Variants in ADGRV1 observed in about 807,000 individuals in gnomAD.
ADGRV1 encodes G-protein coupled receptor 98.
ADGRV1 carries 359 observed loss-of-function variants against 596.2 expected under a neutral mutation model. The observed-to-expected ratio is 0.60, with a 90% CI of 0.55 to 0.66. The LOEUF is 0.66. ADGRV1 is among the 30% of genes least tolerant of loss of function. The pLI is 0.00. For synonymous variants in ADGRV1, 2,681 were observed against 2,679.2 expected, an observed-to-expected ratio of 1.00 and a Z score of -0.02; for missense variants, 7,274 against 7,575.6, an observed-to-expected ratio of 0.96 and a Z score of 1.48.
intron 67 of ADGRV1, among the ~76,000 whole-genome samples, chr5:90,787,453 T>A (rs1037302161): frequency 1.3e-5 from 2 of 152,136 alleles, no homozygotes; most frequent in Non-Finnish European, 2.9e-5. Flanking sequence ...TATATATTTT[T>A]AAAATGTTTA....
In ADGRV1 at chr5:90,810,415, T is replaced by C; in HGVS notation, c.15155T>C (p.Leu5052Pro). The C allele has an allele frequency of 6.2e-7, 1 of 1,613,926 alleles. No individual in the cohort carries two copies. Among genetic ancestry groups the C allele is most frequent in the Non-Finnish European group, 8.5e-7 (1 of 1,179,834 alleles). Reference protein sequence around the residue: ...YQTTAGSAKPLEDFEPVQNGE... With the variant: ...YQTTAGSAKPPEDFEPVQNGE... ...ACCACTGCAGGAAGCGCCAAGCCACTGGAAGATTTTGAGCCTGTTCAGAAT... is the reference window on the plus strand; with the variant it reads ...ACCACTGCAGGAAGCGCCAAGCCACCGGAAGATTTTGAGCCTGTTCAGAAT... Residue 5052 changes from leucine (L) to proline (P), a missense_variant, in exon 74 of 90, where the codon CTG becomes CCG. By Grantham distance (98) the Leu-to-Pro change is moderately conservative (BLOSUM62 -3). This residue lies in a region of ADGRV1 where 1,874 missense variants were observed against 1,970.2 expected (regional missense o/e 0.95). Transcript: ENST00000405460.
In ADGRV1 at chr5:90,643,033, A is replaced by T; in HGVS notation, c.2545A>T (p.Ile849Leu). 6.2e-7 allele frequency: 1 copy of T among 1,612,250 alleles called. No individual in the cohort carries two copies. The highest frequency in any genetic ancestry group is 8.5e-7 in the Non-Finnish European group (1 of 1,178,438). The change falls in exon 13 of 90, where the codon ATA becomes TTA. Residue 849 changes from isoleucine (I) to leucine (L), a missense_variant. Around this residue, in one of 5 missense-constraint regions of ADGRV1, gnomAD observed 1,715 missense variants for 1,708.8 expected, o/e 1.00. Transcript: ENST00000405460. ...CACCTTGCTAGCAAGATTGGATGGG[A>T]TACCAGAGGTATGGGATTTTATATT... ...VITLLARLDGIPELDEHYWVV... is the reference protein window; with the variant it reads ...VITLLARLDGLPELDEHYWVV...
intron 87 of ADGRV1, among the ~76,000 whole-genome samples, chr5:91,132,065 G>C (rs1161895468): frequency 6.6e-6 from 1 of 152,072 alleles, no homozygotes. Context: ...CTTCCCCATT[G>C]TTTATTTTTG....
At chr5:90,783,564 A>C (rs1475286595) in intron 66 of ADGRV1, among the ~76,000 whole-genome samples, 1 of 152,202 alleles carries the variant, frequency 6.6e-6, no homozygotes, top group African/African-American at 2.4e-5. Flanking sequence ...AGACTTAAAT[A>C]ATCTAATCAG....
chr5:90,992,964 A>C (rs915280833), intron 85 of ADGRV1, among the ~76,000 whole-genome samples: 1 of 152,164 alleles, frequency 6.6e-6, no homozygotes, highest in Non-Finnish European at 1.5e-5. Context: ...TAATTATAGC[A>C]CAATGATCAT....
rs1278869208 is a variant in ADGRV1 at position 90,853,439 on chromosome 5, C to T, written c.17360C>T (p.Ala5787Val). The T allele has an allele frequency of 1.1e-5, 17 of 1,613,204 alleles. No homozygotes were observed. The highest frequency in any genetic ancestry group is 1.4e-5 in the Non-Finnish European group (16 of 1,179,518). The change falls in exon 80 of 90, where the codon GCT (alanine) becomes GTT (valine). Residue 5787 changes from alanine (A) to valine (V), a missense_variant. Around this residue, in one of 5 missense-constraint regions of ADGRV1, gnomAD observed 1,874 missense variants for 1,970.2 expected, o/e 0.95. Transcript: ENST00000405460. ...LLDVQDAEIM[A>V]GKSTCKLVQF... ...GATGTCCAGGATGCAGAAATAATGGCTGGGAAAAGTACATGTAAATTAGTC... is the reference window on the plus strand; with the variant it reads ...GATGTCCAGGATGCAGAAATAATGGTTGGGAAAAGTACATGTAAATTAGTC...
chr5:90,978,861 CAA>C (rs1313279061), intron 84 of ADGRV1, among the ~76,000 whole-genome samples: 1 of 152,032 alleles, frequency 6.6e-6, no homozygotes, highest in Non-Finnish European at 1.5e-5. Flanking sequence ...ATGCTCAAAA[CAA>C]ATTGTGTACA....
chr5:90,996,206 G>GCCA (rs1021183971), intron 85 of ADGRV1, among the ~76,000 whole-genome samples: 1 of 152,154 alleles, frequency 6.6e-6, no homozygotes, highest in African/African-American at 2.4e-5. Flanking sequence ...CTTCACAGCA[G>GCCA]CCTATCCCAT....
chr5:90,881,109 G>C (rs1290794166), intron 83 of ADGRV1, among the ~76,000 whole-genome samples: 1 of 152,206 alleles, frequency 6.6e-6, no homozygotes, highest in Non-Finnish European at 1.5e-5. Flanking sequence ...AAACACCAAT[G>C]TGAGAAGCTT....
At chr5:90,677,731 T>A (rs1580704298) in intron 25 of ADGRV1, among the ~76,000 whole-genome samples, 1 of 152,166 alleles carries the variant, frequency 6.6e-6, no homozygotes, top group African/African-American at 2.4e-5. Context: ...TAATTGGACT[T>A]GAATACTCAC....
At chr5:90,925,250 T>C (rs1774313031) in intron 83 of ADGRV1, among the ~76,000 whole-genome samples, 2 of 151,938 alleles carry the variant, frequency 1.3e-5, no homozygotes, top group South Asian at 4.2e-4. Flanking sequence ...ATATTGATTC[T>C]TCCTACCCAT....
chr5:90,687,018 G>A (rs1027237717), intron 29 of ADGRV1, among the ~76,000 whole-genome samples: 1 of 152,086 alleles, frequency 6.6e-6, no homozygotes, highest in Non-Finnish European at 1.5e-5. Context: ...GTCTTCTTTT[G>A]AGAAGTGTCT....
rs747541782 is a variant in ADGRV1, at chr5:90,724,831, G to T, written c.9749-1G>T. ...AGTAAACCATGATTTGTGTTTTTCAGGGGGAATGGATGTTGTGTTTTCCGT... is the reference window on the plus strand; with the variant it reads ...AGTAAACCATGATTTGTGTTTTTCATGGGGAATGGATGTTGTGTTTTCCGT... On this transcript the variant is annotated splice_acceptor_variant, in intron 45 of 89. Transcript: ENST00000405460. LOFTEE classifies it high-confidence loss of function. 2.5e-6 allele frequency: 4 copies of T among 1,612,708 alleles called. No individual in the cohort carries two copies. The South Asian group carries it at 3.3e-5, about 13-fold the overall frequency.
At chr5:90,809,255 C>T (rs1269432132) in intron 73 of ADGRV1, among the ~76,000 whole-genome samples, 1 of 147,860 alleles carries the variant, frequency 6.8e-6, no homozygotes, top group Non-Finnish European at 1.5e-5. Context: ...CGCGGCCAGG[C>T]ATAAATCTTA....
chr5:90,835,530 C>A (rs181055431), intron 77 of ADGRV1, among the ~76,000 whole-genome samples: 23 of 152,218 alleles, frequency 1.5e-4, no homozygotes, highest in Admixed American at 1.3e-3. Flanking sequence ...TCACCCAAGG[C>A]CCATGGTGAC....
chr5:91,078,176 C>T (rs1209926967), intron 86 of ADGRV1, among the ~76,000 whole-genome samples: 2 of 151,844 alleles, frequency 1.3e-5, no homozygotes, highest in African/African-American at 4.8e-5. Flanking sequence ...GAGTGAACAA[C>T]AATAGTAATA....
intron 1 of ADGRV1, among the ~76,000 whole-genome samples, chr5:90,607,815 C>A (rs1762287853): frequency 6.6e-6 from 1 of 152,082 alleles, no homozygotes. Flanking sequence ...ATATTCAGAG[C>A]ATCCCAGTCA....
intron 65 of ADGRV1, 67 bp from the exon 66 acceptor site, chr5:90,783,057 T>C: frequency 2.3e-6 from 3 of 1,297,972 alleles, no homozygotes; most frequent in Non-Finnish European, 3.3e-6. Flanking sequence ...CCAGGTTTAA[T>C]TTGGCTGAAT....
intron 83 of ADGRV1, among the ~76,000 whole-genome samples, chr5:90,957,076 G>A (rs2367183): frequency 0.12 from 17,539 of 152,030 alleles, 1,555 homozygotes; most frequent in East Asian, 0.25. Flanking sequence ...GAAAATGCAG[G>A]AAACTAAGTA....
Sources: allele counts gnomAD v4.1 joint callset (sites outside exome capture counted in the v4.1 genomes callset), GRCh38; gene constraint gnomAD v4.1.1; regional missense constraint gnomAD v4.1.1; transcripts MANE v1.5; gene names NCBI Gene and HGNC (gene_info 2026-07-23, HGNC 2026-07-21).